The following PEG3 variants were observed in gnomAD, a reference collection of about 807,000 sequenced individuals.
PEG3 encodes the protein paternally-expressed gene 3 protein.
Under a neutral mutation model 35.5 loss-of-function variants are expected in PEG3, and 23 were observed. That is an observed-to-expected ratio of 0.65 (90% confidence interval 0.47 to 0.92). The LOEUF is 0.92. Among genes scored for constraint, PEG3 ranks in the 40% least tolerant of loss-of-function variants. The pLI is 0.00. For missense variants in PEG3, 1,960 were observed against 1,985.3 expected (o/e 0.99, Z 0.24); for synonymous variants, 707 against 697.0 (o/e 1.01, Z -0.23).
intron 1 of PEG3, among the ~76,000 whole-genome samples, chr19:56,838,538 T>G (rs1039607038): frequency 6.6e-5 from 10 of 151,954 alleles, no homozygotes; most frequent in Admixed American, 6.5e-4. Context: ...ATACACAAGA[T>G]GGAACCACAC....
chr19:56,821,312 C>A (rs1202705611), intron 7 of PEG3, among the ~76,000 whole-genome samples: 1 of 152,202 alleles, frequency 6.6e-6, no homozygotes, highest in African/African-American at 2.4e-5. Flanking sequence ...CTCTGCAGAC[C>A]CACAGCTTTC....
intron 6 of PEG3, 85 bp from the exon 7 acceptor site, chr19:56,821,839 G>T: frequency 6.9e-7 from 1 of 1,446,556 alleles, no homozygotes; most frequent in Non-Finnish European, 9.6e-7. Flanking sequence ...TATGAAGCCA[G>T]CTGGGGTGTG....
At position 56,818,827 on chromosome 19, in the gene PEG3, TTC is replaced by T; in HGVS notation, c.670-127_670-126del. On this transcript the variant is annotated intron_variant, in intron 7 of 9. Transcript: ENST00000326441. ...ATAGGAAGTGCTCACGGTATTGGGG[TTC>T]TGAGTGATCCAAGTCAAGTGTTACT... is the stretch of plus-strand genomic sequence containing the variant. 3.7e-6 allele frequency: 4 copies of T among 1,084,222 alleles called. 1 individual carries two copies. The South Asian group carries it at 5.9e-5, about 16-fold the overall frequency. The allele number at this position is 1,084,222 out of a possible 1,614,324, so 67.2% of individuals were successfully genotyped here.
At chr19:56,822,693 A>C in intron 6 of PEG3, 60 bp downstream of exon 6, 75 of 1,595,188 alleles carry the variant, frequency 4.7e-5, no homozygotes, top group Non-Finnish European at 5.9e-5. Context: ...TTTCCCCTTG[A>C]ACCTGTGCAC....
At chr19:56,830,932 A>G (rs2146521066) in intron 2 of PEG3, among the ~76,000 whole-genome samples, 1 of 152,198 alleles carries the variant, frequency 6.6e-6, no homozygotes, top group South Asian at 2.1e-4. Context: ...ATCACCAAAA[A>G]AATAAAAAAC....
Position 56,813,277 on chromosome 19 carries a change from C to T in PEG3, c.*398G>A. ...AACTGTAACTGTATATCATATAAAT[C>T]CAAATATATGTGATCACTGTTCTGT... On this transcript the variant is annotated 3_prime_UTR_variant, in exon 10 of 10. Coordinates refer to ENST00000326441, the MANE Select transcript of PEG3 (RefSeq NM_006210.3). The T allele has an allele frequency of 1.1e-6, 1 of 938,690 alleles. No individual in the cohort carries two copies. Among genetic ancestry groups the T allele is most frequent in the Non-Finnish European group, 1.3e-6 (1 of 784,584 alleles). 58.1% of individuals were successfully genotyped at this position (938,690 alleles called of 1,614,324 possible). A position where few individuals can be genotyped will look rare whatever the true frequency, so the allele number is the denominator to read the frequency against.
chr19:56,825,772 T>C (rs1193825997), intron 3 of PEG3, among the ~76,000 whole-genome samples: 2 of 152,166 alleles, frequency 1.3e-5, no homozygotes, highest in East Asian at 1.9e-4. Context: ...CAACAGAAAT[T>C]TTCTCCCTTT....
chr19:56,827,816 C>T (rs1198066221), intron 2 of PEG3, among the ~76,000 whole-genome samples: 1 of 152,064 alleles, frequency 6.6e-6, no homozygotes, highest in South Asian at 2.1e-4. Context: ...CAAAACCGGA[C>T]ACAGCACTGT....
At chr19:56,829,343 C>CAA (rs35948458) in intron 2 of PEG3, among the ~76,000 whole-genome samples, 23,619 of 86,268 alleles carry the variant, frequency 0.27, 2,570 homozygotes, top group Non-Finnish European at 0.35. Flanking sequence ...GACTCCATCT[C>CAA]AAAAAAAAAA....
In PEG3 at chr19:56,812,281, A is replaced by G; in HGVS notation, c.*1394T>C. On this transcript the variant is annotated 3_prime_UTR_variant, in exon 10 of 10. Transcript: ENST00000326441. ...AGCTGTGAGGTCAATTTGTAATTAA[A>G]AGAATACTAAGATTAGATGAACACA... The G allele has an allele frequency of 3.1e-6, 3 of 980,418 alleles. No individual in the cohort carries two copies. Among genetic ancestry groups the G allele is most frequent in the Non-Finnish European group, 3.6e-6 (3 of 825,386 alleles). 60.7% of individuals were successfully genotyped at this position (980,418 alleles called of 1,614,324 possible).
chr19:56,811,221 T>A lies in PEG3; in HGVS notation c.*2454A>T. 5.2e-6 allele frequency: 5 copies of A among 968,426 alleles called. No homozygotes were observed. The highest frequency in any genetic ancestry group is 6.1e-6 in the Non-Finnish European group (5 of 814,530). The allele number at this position is 968,426 out of a possible 1,614,324, so 60.0% of individuals were successfully genotyped here. A position where few individuals can be genotyped will look rare whatever the true frequency, so the allele number is the denominator to read the frequency against. ...CTACCATAAAGAACATTCAAGAAAT[T>A]TAAGAAAATAATGCTCAACTATAAG... On this transcript the variant is annotated 3_prime_UTR_variant, in exon 10 of 10. Transcript: ENST00000326441.
At chr19:56,832,047 A>G (rs528917570) in intron 2 of PEG3, among the ~76,000 whole-genome samples, 1 of 152,258 alleles carries the variant, frequency 6.6e-6, no homozygotes, top group East Asian at 1.9e-4. Context: ...AAACTCACAT[A>G]AACTTGTATT....
chr19:56,815,366 T>C lies in PEG3; in HGVS notation c.3076A>G (p.Lys1026Glu). ...TTACATTTGTTCCGCGCTTGCTCTT[T>C]AGCATACTGCTCTTGGGCGTAACTT... is the stretch of plus-strand genomic sequence containing the variant. ...QTSYAQEQYAKEQARNKCKDF... is the reference protein window; with the variant it reads ...QTSYAQEQYAEEQARNKCKDF... Residue 1026 changes from lysine (K) to glutamate (E), a missense_variant, in exon 10 of 10, where the codon AAA (lysine) becomes GAA (glutamate). Physicochemically the swap from Lys to Glu is moderately conservative, Grantham distance 56. Transcript: ENST00000326441. The C allele has an allele frequency of 6.2e-7, 1 of 1,614,226 alleles. No homozygotes were observed. Among genetic ancestry groups the C allele is most frequent in the Non-Finnish European group, 8.5e-7 (1 of 1,180,034 alleles).
At position 56,816,219 on chromosome 19, in the gene PEG3, A is replaced by C; in HGVS notation, c.2223T>G (p.Leu741=). 6.2e-7 allele frequency: 1 copy of C among 1,614,134 alleles called. No individual in the cohort carries two copies. The highest frequency in any genetic ancestry group is 8.5e-7 in the Non-Finnish European group (1 of 1,180,008). ...ACGCCTTTTCGTCCTCATCACTTTC[A>C]AGAGGTCTTGTTATAGTATGACTCT... ...SQKSHTITRP[L]ESDEDEKAFT... The change falls in exon 10 of 10, where the codon CTT becomes CTG. Residue 741 remains leucine, a synonymous_variant. Coordinates refer to ENST00000326441, the MANE Select transcript of PEG3 (RefSeq NM_006210.3).
chr19:56,822,922 G>A, intron 5 of PEG3, 86 bp from the exon 6 acceptor site: 1 of 1,520,902 alleles, frequency 6.6e-7, no homozygotes, highest in East Asian at 2.4e-5. Flanking sequence ...CCTCTGGAAA[G>A]AGATGCTACC....
At position 56,813,904 on chromosome 19, in the gene PEG3, G is replaced by C. The variant is rs761864072; in HGVS notation, c.4538C>G (p.Thr1513Ser). 1 of 1,614,194 alleles carries C rather than the reference G, an allele frequency of 6.2e-7. No homozygotes were observed. The highest frequency in any genetic ancestry group is 1.7e-5 in the Admixed American group (1 of 60,028). Residue 1513 changes from threonine to serine, a missense_variant, in exon 10 of 10, where the codon ACC becomes AGC. Physicochemically the swap from Thr to Ser is moderately conservative, Grantham distance 58. Transcript: ENST00000326441. ...ACTGAATGCTGTGCTGGAAGTGAAG[G>C]TTTCTGTGCATTCATGGCAGTCATA... ...PYYDCHECTE[T>S]FTSSTAFSEH...
At chr19:56,837,049 C>T (rs1195930340) in intron 1 of PEG3, among the ~76,000 whole-genome samples, 1 of 151,106 alleles carries the variant, frequency 6.6e-6, no homozygotes, top group Admixed American at 6.6e-5. Context: ...ACTTTCCCTA[C>T]CTCAAACAAA....
chr19:56,837,827 C>T (rs1055279652), intron 1 of PEG3, among the ~76,000 whole-genome samples: 1 of 152,228 alleles, frequency 6.6e-6, no homozygotes, highest in African/African-American at 2.4e-5. Flanking sequence ...CCTCTGCTGC[C>T]CCCGCCACCG....
In PEG3 at chr19:56,814,635, G is replaced by A. The variant is rs755827439; in HGVS notation, c.3807C>T (p.Leu1269=). ...AEEAIIPGLA[L]TEFQRSQTEE... is the part of the protein sequence containing the mutation. Reference sequence around the variant, plus strand: ...CGGTCTGACTTCTCTGAAACTCAGTGAGGGCTAAGCCTGGAATGATAGCTT... The same window carrying A: ...CGGTCTGACTTCTCTGAAACTCAGTAAGGGCTAAGCCTGGAATGATAGCTT... Residue 1269 remains leucine, a synonymous_variant, in exon 10 of 10, where the codon CTC becomes CTT. Coordinates refer to ENST00000326441, the MANE Select transcript of PEG3 (RefSeq NM_006210.3). This position sits in a 1 kb window ranked among gnomAD's most constrained non-coding sequence, Gnocchi z 5.8. 2.5e-6 allele frequency: 4 copies of A among 1,614,160 alleles called. No homozygotes were observed. The highest frequency in any genetic ancestry group is 1.6e-4 in the Middle Eastern group (1 of 6,062).
Sources: allele counts gnomAD v4.1 joint callset (sites outside exome capture counted in the v4.1 genomes callset), GRCh38; gene constraint gnomAD v4.1.1; non-coding constraint Gnocchi (gnomAD v3.1); transcripts MANE v1.5; gene names NCBI Gene and HGNC (gene_info 2026-07-23, HGNC 2026-07-21).